SH3GL2: variants seen among roughly 807,000 people sequenced by gnomAD.
The protein encoded by SH3GL2 is endophilin-A1.
A neutral mutation model predicts 46.0 loss-of-function variants in SH3GL2; 24 were observed. The observed-to-expected ratio is 0.52, with a 90% confidence interval of 0.38 to 0.73. SH3GL2 has a LOEUF of 0.73. Among genes scored for constraint, SH3GL2 ranks in the 30% least tolerant of loss-of-function variants. The pLI is 0.00. For missense variants in SH3GL2, 413 were observed against 424.2 expected (o/e 0.97, Z 0.23); for synonymous variants, 196 against 147.1 (o/e 1.33, Z -2.40).
intron 1 of SH3GL2, among the ~76,000 whole-genome samples, chr9:17,665,244 C>T (rs1357905515): frequency 1.3e-5 from 2 of 152,144 alleles, no homozygotes; most frequent in Non-Finnish European, 2.9e-5. Flanking sequence ...CTTTTTATAT[C>T]CAGTCCACAA....
intron 1 of SH3GL2, among the ~76,000 whole-genome samples, chr9:17,639,557 C>T (rs1819623769): frequency 6.6e-6 from 1 of 152,130 alleles, no homozygotes; most frequent in African/African-American, 2.4e-5. Context: ...GCAACCGGCA[C>T]CTTTATACAT....
At position 17,791,251 on chromosome 9, in the gene SH3GL2, C is replaced by T. The variant is rs771663544; in HGVS notation, c.645C>T (p.Leu215=). ...TGCAGATTGAACAAGTGAGCCAGCT[C>T]TCTGCACTTGTGCAAGCTCAGCTGG... ...LEMDIEQVSQ[L]SALVQAQLEY... The change falls in exon 7 of 9, where the codon CTC becomes CTT. Residue 215 remains leucine (L), a synonymous_variant. Coordinates refer to ENST00000380607, the MANE Select transcript of SH3GL2 (RefSeq NM_003026.5). 2.0e-5 allele frequency: 33 copies of T among 1,613,238 alleles called. No homozygotes were observed. The highest frequency in any genetic ancestry group is 2.6e-5 in the Non-Finnish European group (31 of 1,179,348).
At chr9:17,680,223 C>T (rs1250851803) in intron 1 of SH3GL2, among the ~76,000 whole-genome samples, 1 of 152,108 alleles carries the variant, frequency 6.6e-6, no homozygotes, top group Non-Finnish European at 1.5e-5. Flanking sequence ...CCTCTTTGTA[C>T]CTCTGGTAGA....
At chr9:17,779,484 A>G (rs1316276494) in intron 3 of SH3GL2, among the ~76,000 whole-genome samples, 3 of 152,096 alleles carry the variant, frequency 2.0e-5, no homozygotes, top group Non-Finnish European at 4.4e-5. Flanking sequence ...GAGGTTCCAT[A>G]TCCTTTCTTT....
Position 17,727,143 on chromosome 9 carries a change from C to G in SH3GL2, c.46-19923C>G, listed in dbSNP as rs184451207. On this transcript the variant is annotated intron_variant, in intron 1 of 8. Coordinates refer to ENST00000380607, the MANE Select transcript of SH3GL2 (RefSeq NM_003026.5). ...CGATGCAGCAGTTAAGATGAATAGT[C>G]TGCCTCTACAGAGAGCAACATATAT... Among the ~76,000 whole-genome samples, 296 of 152,282 alleles carry G rather than the reference C, an allele frequency of 1.9e-3. 2 individuals carry two copies. Among genetic ancestry groups the G allele is most frequent in the Non-Finnish European group, 3.5e-3 (235 of 68,006 alleles).
At chr9:17,641,034 T>G (rs1819668601) in intron 1 of SH3GL2, among the ~76,000 whole-genome samples, 1 of 152,202 alleles carries the variant, frequency 6.6e-6, no homozygotes, top group Non-Finnish European at 1.5e-5. Flanking sequence ...TCCCTTTGAT[T>G]ATAAGCAAGT....
Position 17,780,225 on chromosome 9 carries a change from C to T in SH3GL2, c.188-6156C>T, listed in dbSNP as rs544948027. Reference sequence around the variant, plus strand: ...GTCAACATCCCAAAACCTCCTTCCACAGATCCTAGCTGCCCTTACCTTTAA... The same window carrying T: ...GTCAACATCCCAAAACCTCCTTCCATAGATCCTAGCTGCCCTTACCTTTAA... On this transcript the variant is annotated intron_variant, in intron 3 of 8. Transcript: ENST00000380607. 5.3e-5 allele frequency among the ~76,000 whole-genome samples: 8 copies of T among 152,308 alleles called. 1 individual carries two copies. Among genetic ancestry groups the T allele is most frequent in the African/African-American group, 1.7e-4 (7 of 41,576 alleles).
chr9:17,676,159 C>T (rs933714299), intron 1 of SH3GL2, among the ~76,000 whole-genome samples: 1 of 152,142 alleles, frequency 6.6e-6, no homozygotes, highest in African/African-American at 2.4e-5. Context: ...TGCATTGTAT[C>T]TGAAAAACAT....
chr9:17,694,125 G>T (rs973041285), intron 1 of SH3GL2, among the ~76,000 whole-genome samples: 1 of 152,104 alleles, frequency 6.6e-6, no homozygotes, highest in Admixed American at 6.6e-5. Context: ...CCAATTTTCT[G>T]TATTAGTCTG....
intron 1 of SH3GL2, among the ~76,000 whole-genome samples, chr9:17,712,912 A>G (rs1821667703): frequency 6.7e-6 from 1 of 148,206 alleles, no homozygotes. Context: ...GTCCAATAGA[A>G]ATAGTAAGCG....
At chr9:17,752,268 C>T (rs531409267) in intron 2 of SH3GL2, among the ~76,000 whole-genome samples, 1 of 152,058 alleles carries the variant, frequency 6.6e-6, no homozygotes, top group African/African-American at 2.4e-5. Context: ...TTCATCATGT[C>T]TCTGTGATTG....
At chr9:17,738,641 T>TATATATATATATATAGAGAGAGAGAG (rs376280314) in intron 1 of SH3GL2, among the ~76,000 whole-genome samples, 1 of 88,880 alleles carries the variant, frequency 1.1e-5, no homozygotes, top group Non-Finnish European at 2.3e-5. Flanking sequence ...TATATATATA[T>TATATATATATATATAGAGAGAGAGAG]AGAGAGAGAG....
chr9:17,718,518 T>C (rs1821816071), intron 1 of SH3GL2, among the ~76,000 whole-genome samples: 1 of 151,846 alleles, frequency 6.6e-6, no homozygotes, highest in South Asian at 2.1e-4. Context: ...AGCCCAGGAG[T>C]TTGAGATCAG....
intron 2 of SH3GL2, among the ~76,000 whole-genome samples, chr9:17,748,272 G>A (rs1822750201): frequency 1.3e-5 from 2 of 152,132 alleles, no homozygotes; most frequent in Admixed American, 1.3e-4. Context: ...AGTGGGTGGT[G>A]GGTAATGGAT....
intron 1 of SH3GL2, among the ~76,000 whole-genome samples, chr9:17,694,592 T>G (rs1363267105): frequency 6.6e-6 from 1 of 152,140 alleles, no homozygotes; most frequent in Non-Finnish European, 1.5e-5. Flanking sequence ...ACTGCAATAC[T>G]AGAGCTGAAG....
chr9:17,606,062 G>A (rs1444135701), intron 1 of SH3GL2, among the ~76,000 whole-genome samples: 1 of 149,866 alleles, frequency 6.7e-6, no homozygotes, highest in East Asian at 2.0e-4. Context: ...CCTTGACGGC[G>A]GGGTCAGCTT....
intron 1 of SH3GL2, among the ~76,000 whole-genome samples, chr9:17,721,839 T>C (rs1455144957): frequency 6.6e-6 from 1 of 152,072 alleles, no homozygotes; most frequent in African/African-American, 2.4e-5. Context: ...TTTATCTGTA[T>C]GTGTATATCT....
At chr9:17,725,784 G>T (rs1822006462) in intron 1 of SH3GL2, among the ~76,000 whole-genome samples, 1 of 152,158 alleles carries the variant, frequency 6.6e-6, no homozygotes, top group Non-Finnish European at 1.5e-5. Flanking sequence ...CCTCTTAGCA[G>T]CACCTGCCAA....
intron 5 of SH3GL2, 132 bp downstream of exon 5, chr9:17,787,645 C>G: frequency 1.5e-6 from 1 of 664,568 alleles, no homozygotes; most frequent in South Asian, 2.0e-5. Context: ...TACAAAACAA[C>G]CCAGTAAGAC....
Sources: allele counts gnomAD v4.1 joint callset (sites outside exome capture counted in the v4.1 genomes callset), GRCh38; gene constraint gnomAD v4.1.1; transcripts MANE v1.5; gene names NCBI Gene and HGNC (gene_info 2026-07-23, HGNC 2026-07-21).